C4orf54: variants seen among roughly 807,000 people sequenced by gnomAD.
The protein encoded by C4orf54 is uncharacterized protein C4orf54.
A neutral mutation model predicts 80.1 loss-of-function variants in C4orf54; 67 were observed. The ratio of observed to expected loss-of-function variants is 0.84; its 90% CI spans 0.69 to 1.03. C4orf54 has a LOEUF of 1.03. Ranked by LOEUF, C4orf54 falls within the 50% of genes least tolerant of loss-of-function variation. C4orf54 has a pLI of 0.00. For synonymous variants in C4orf54, 1,000 were observed against 917.0 expected (o/e 1.09, Z -1.64); for missense variants, 2,434 against 2,253.5 (o/e 1.08, Z -1.62).
intron 1 of C4orf54, among the ~76,000 whole-genome samples, chr4:99,655,176 G>A (rs1258186811): frequency 3.9e-5 from 6 of 152,054 alleles, no homozygotes; most frequent in Non-Finnish European, 8.8e-5. Flanking sequence ...TATGAAACAC[G>A]ACCTGTTTGG....
At chr4:99,647,409 C>T (rs1417338642) in intron 2 of C4orf54, among the ~76,000 whole-genome samples, 1 of 152,188 alleles carries the variant, frequency 6.6e-6, no homozygotes, top group African/African-American at 2.4e-5. Flanking sequence ...ATAGGCTACT[C>T]TTTTCCTTCT....
chr4:99,636,985 GTTCACA>G lies in C4orf54; in HGVS notation c.*4242_*4247del, dbSNP rs1352365806. The G allele has an allele frequency of 6.6e-6, 1 of 152,022 alleles. No homozygotes were observed. Among genetic ancestry groups the G allele is most frequent in the African/African-American group, 2.4e-5 (1 of 41,372 alleles). 9.4% of individuals were successfully genotyped at this position (152,022 alleles called of 1,614,324 possible). A position where few individuals can be genotyped will look rare whatever the true frequency, so the allele number is the denominator to read the frequency against. On this transcript the variant is annotated 3_prime_UTR_variant, in exon 3 of 3. Coordinates refer to ENST00000511828, the MANE Select transcript of C4orf54 (RefSeq NM_001354435.2). ...TTTTTTCCAACATAACTTCTACAGT[GTTCACA>G]TTCTTTTCAACCACTGCTGTCTTTA...
At chr4:99,647,419 T>C (rs1459497874) in intron 2 of C4orf54, among the ~76,000 whole-genome samples, 2 of 152,232 alleles carry the variant, frequency 1.3e-5, no homozygotes, top group Non-Finnish European at 2.9e-5. Flanking sequence ...CTTTTCCTTC[T>C]GCGAAACTAA....
rs938187534 is a variant in C4orf54 at position 99,650,421 on chromosome 4, C to A, written c.4228G>T (p.Gly1410Cys). 6.5e-7 allele frequency: 1 copy of A among 1,536,058 alleles called. No individual in the cohort carries two copies. The highest frequency in any genetic ancestry group is 2.0e-5 in the Admixed American group (1 of 50,996). ...CCTTGTGGGAACTTGCCAGCGACACCCCCAGTTTTCTGGATGCTGCTGGCA... is the reference window on the plus strand; with the variant it reads ...CCTTGTGGGAACTTGCCAGCGACACACCCAGTTTTCTGGATGCTGCTGGCA... ...VSASSIQKTG[G>C]VAGKFPQGPS... is the part of the protein sequence containing the mutation. Residue 1410 changes from glycine to cysteine, a missense_variant, in exon 2 of 3, where the codon GGT becomes TGT. Gly to Cys is a radical substitution (Grantham distance 159). Coordinates refer to ENST00000511828, the MANE Select transcript of C4orf54 (RefSeq NM_001354435.2).
At position 99,651,764 on chromosome 4, in the gene C4orf54, C is replaced by G. The variant is rs1401694086; in HGVS notation, c.2885G>C (p.Gly962Ala). 6.5e-7 allele frequency: 1 copy of G among 1,536,056 alleles called. No homozygotes were observed. The highest frequency in any genetic ancestry group is 1.7e-4 in the Middle Eastern group (1 of 5,990). Residue 962 changes from glycine to alanine, a missense_variant, in exon 2 of 3, where the codon GGG (glycine) becomes GCG (alanine). By Grantham distance (60) the Gly-to-Ala change is moderately conservative. Transcript: ENST00000511828. ...AEKREEQAPI[G>A]KLKLPKGGDW... ...GCCTCCTTTGGGCAGCTTCAGCTTC[C>G]CTATAGGGGCTTGTTCCTCCCTCTT...
intron 2 of C4orf54, among the ~76,000 whole-genome samples, chr4:99,644,308 T>A (rs1726661614): frequency 6.6e-6 from 1 of 152,130 alleles, no homozygotes; most frequent in Non-Finnish European, 1.5e-5. Flanking sequence ...CTTATTAATT[T>A]TAGATAAGTT....
rs1325196816 is a variant in C4orf54, at chr4:99,643,780, ACACACACACACAC to A, written c.*37-2597_*37-2585del. Reference sequence around the variant, plus strand: ...CACACACACACACACACACACACACACACACACACACACCCCCTCCGCGGCAGTAAAACGGCCA... The same window carrying A: ...CACACACACACACACACACACACACACCCCTCCGCGGCAGTAAAACGGCCA... On this transcript the variant is annotated intron_variant, in intron 2 of 2. Transcript: ENST00000511828. Among the ~76,000 whole-genome samples, 66 of 142,156 alleles carry A rather than the reference ACACACACACACAC, an allele frequency of 4.6e-4. 1 individual carries two copies. The highest frequency in any genetic ancestry group is 6.1e-4 in the African/African-American group (23 of 37,598). 93.3% of individuals were successfully genotyped at this position (142,156 alleles called of 152,430 possible).
chr4:99,651,988 C>A lies in C4orf54; in HGVS notation c.2661G>T (p.Glu887Asp). The change falls in exon 2 of 3, where the codon GAG becomes GAT. Residue 887 changes from glutamate to aspartate, a missense_variant. Physicochemically the swap from Glu to Asp is conservative, Grantham distance 45. Transcript: ENST00000511828. ...TVVSMSDAGGEGSVAGSKSPV... is the reference protein window; with the variant it reads ...TVVSMSDAGGDGSVAGSKSPV... ...GAGATTTGGAGCCCGCCACGGACCC[C>A]TCCCCGCCCGCGTCGGACATGCTGA... 1 of 1,536,160 alleles carries A rather than the reference C, an allele frequency of 6.5e-7. No individual in the cohort carries two copies. The highest frequency in any genetic ancestry group is 8.7e-7 in the Non-Finnish European group (1 of 1,146,916).
Position 99,651,739 on chromosome 4 carries a change from G to C in C4orf54, c.2910C>G (p.Gly970=). The change falls in exon 2 of 3, where the codon GGC becomes GGG. Residue 970 remains glycine (G), a synonymous_variant. Transcript: ENST00000511828. ...PIGKLKLPKG[G]DWRADLGEIS... is the part of the protein sequence containing the mutation. Reference sequence around the variant, plus strand: ...TCTCCCCGAGATCAGCCCGCCAGTCGCCTCCTTTGGGCAGCTTCAGCTTCC... The same window carrying C: ...TCTCCCCGAGATCAGCCCGCCAGTCCCCTCCTTTGGGCAGCTTCAGCTTCC... 1.3e-6 allele frequency: 2 copies of C among 1,535,954 alleles called. No homozygotes were observed. Among genetic ancestry groups the C allele is most frequent in the South Asian group, 2.4e-5 (2 of 84,028 alleles).
At chr4:99,655,970 T>C (rs1445442133) in intron 1 of C4orf54, among the ~76,000 whole-genome samples, 1 of 151,956 alleles carries the variant, frequency 6.6e-6, no homozygotes, top group Non-Finnish European at 1.5e-5. Context: ...AGGTATGGAG[T>C]GGGAGCCCCT....
At position 99,654,153 on chromosome 4, in the gene C4orf54, T is replaced by C. The variant is rs1726934658; in HGVS notation, c.496A>G (p.Ser166Gly). The C allele has an allele frequency of 6.5e-7, 1 of 1,536,004 alleles. No individual in the cohort carries two copies. The highest frequency in any genetic ancestry group is 1.2e-5 in the South Asian group (1 of 84,070). ...ARQAEVGDGVSSAQDSQELKQ... is the reference protein window; with the variant it reads ...ARQAEVGDGVGSAQDSQELKQ... Reference sequence around the variant, plus strand: ...AGCTCCTGGCTGTCTTGAGCACTGCTCACCCCGTCCCCCACCTCCGCCTGT... The same window carrying C: ...AGCTCCTGGCTGTCTTGAGCACTGCCCACCCCGTCCCCCACCTCCGCCTGT... Residue 166 changes from serine to glycine, a missense_variant, in exon 2 of 3, where the codon AGC becomes GGC. Transcript: ENST00000511828.
intron 2 of C4orf54, among the ~76,000 whole-genome samples, chr4:99,647,736 C>A (rs1726724248): frequency 6.6e-6 from 1 of 152,100 alleles, no homozygotes. Flanking sequence ...TTAATTTGAA[C>A]AAAATTTTTA....
At position 99,653,274 on chromosome 4, in the gene C4orf54, G is replaced by C. The variant is rs909416395; in HGVS notation, c.1375C>G (p.Arg459Gly). 1 of 1,530,498 alleles carries C rather than the reference G, an allele frequency of 6.5e-7. No homozygotes were observed. Among genetic ancestry groups the C allele is most frequent in the Admixed American group, 2.0e-5 (1 of 50,786 alleles). 94.8% of individuals were successfully genotyped at this position (1,530,498 alleles called of 1,614,324 possible). A position where few individuals can be genotyped will look rare whatever the true frequency, so the allele number is the denominator to read the frequency against. Residue 459 changes from arginine to glycine, a missense_variant, in exon 2 of 3, where the codon CGC becomes GGC. By Grantham distance (125) the Arg-to-Gly change is moderately radical. Coordinates refer to ENST00000511828, the MANE Select transcript of C4orf54 (RefSeq NM_001354435.2). ...SSDLARPNAG[R>G]SGRDTSSTEV... The stretch of plus-strand genomic sequence containing the variant: ...GTGCTGCTGGTGTCGCGGCCACTGC[G>C]GCCTGCATTGGGGCGGGCCAGGTCG...
Position 99,638,922 on chromosome 4 carries a change from TA to T in C4orf54, c.*2310del, listed in dbSNP as rs1726557834. On this transcript the variant is annotated 3_prime_UTR_variant, in exon 3 of 3. Transcript: ENST00000511828. ...CATCACTGTGTCCTTGGCAACTTCC[TA>T]AAAGGTGAAGCCTCTTGTATAGAAC... 6.6e-6 allele frequency: 1 copy of T among 152,202 alleles called. No homozygotes were observed. The highest frequency in any genetic ancestry group is 1.5e-5 in the Non-Finnish European group (1 of 68,020). 9.4% of individuals were successfully genotyped at this position (152,202 alleles called of 1,614,324 possible).
chr4:99,651,625 G>A lies in C4orf54; in HGVS notation c.3024C>T (p.Ala1008=). 1 of 1,536,114 alleles carries A rather than the reference G, an allele frequency of 6.5e-7. No individual in the cohort carries two copies. The highest frequency in any genetic ancestry group is 8.7e-7 in the Non-Finnish European group (1 of 1,146,888). The change falls in exon 2 of 3, where the codon GCC becomes GCT. Residue 1008 remains alanine (A), a synonymous_variant. Coordinates refer to ENST00000511828, the MANE Select transcript of C4orf54 (RefSeq NM_001354435.2). ...TPKDKQPRKQ[A]TKYPAAQATS... ...TGGCCTGAGCAGCAGGGTACTTGGT[G>A]GCCTGCTTCCTCGGCTGCTTGTCCT...
At chr4:99,647,829 C>T (rs952643938) in intron 2 of C4orf54, among the ~76,000 whole-genome samples, 4 of 152,110 alleles carry the variant, frequency 2.6e-5, no homozygotes, top group African/African-American at 7.2e-5. Context: ...CTAGAGGTGA[C>T]ACATGAATGC....
chr4:99,650,722 G>A lies in C4orf54; in HGVS notation c.3927C>T (p.His1309=). 2.6e-6 allele frequency: 4 copies of A among 1,536,102 alleles called. No homozygotes were observed. Among genetic ancestry groups the A allele is most frequent in the East Asian group, 2.4e-5 (1 of 40,894 alleles). ...CACCCAGCCGTTTGGACAGCTTGTC[G>A]TGGTCTCCATCAGCAACCACTACCC... The part of the protein sequence containing the change: ...REGVVVADGD[H]DKLSKRLGEV... Residue 1309 remains histidine, a synonymous_variant, in exon 2 of 3, where the codon CAC becomes CAT. Transcript: ENST00000511828.
intron 2 of C4orf54, among the ~76,000 whole-genome samples, chr4:99,643,279 G>A (rs986108564): frequency 5.9e-5 from 9 of 152,182 alleles, no homozygotes; most frequent in African/African-American, 1.9e-4. Flanking sequence ...TTTTACAGAT[G>A]AGGAAAATGA....
rs1726801633 is a variant in C4orf54 at position 99,650,705 on chromosome 4, C to T, written c.3944G>A (p.Arg1315Gln). 4.6e-6 allele frequency: 7 copies of T among 1,536,144 alleles called. No individual in the cohort carries two copies. In the East Asian group the frequency reaches 1.7e-4, roughly 38 times the overall value. ...GCCCCGCTCTTCCACCTCACCCAGC[C>T]GTTTGGACAGCTTGTCGTGGTCTCC... ...ADGDHDKLSKRLGEVEERGTG... is the reference protein window; with the variant it reads ...ADGDHDKLSKQLGEVEERGTG... Residue 1315 changes from arginine to glutamine, a missense_variant, in exon 2 of 3, where the codon CGG (arginine) becomes CAG (glutamine). Physicochemically the swap from Arg to Gln is conservative, Grantham distance 43. Coordinates refer to ENST00000511828, the MANE Select transcript of C4orf54 (RefSeq NM_001354435.2).
Sources: gnomAD v4.1 joint callset for allele counts (sites outside exome capture counted in the v4.1 genomes callset) on GRCh38, gnomAD v4.1.1 for gene constraint, MANE v1.5 for transcripts, NCBI Gene and HGNC (gene_info 2026-07-23, HGNC 2026-07-21) for gene names.